The following EPHA2 variants were observed in gnomAD, a reference collection of about 807,000 sequenced individuals.
EPHA2 encodes the protein EPH receptor A2, also known as ephrin type-A receptor 2.
Under a neutral mutation model 104.9 loss-of-function variants are expected in EPHA2, and 54 were observed. The observed-to-expected ratio is 0.51, with a 90% CI of 0.41 to 0.65. EPHA2 has a LOEUF of 0.65. EPHA2 is among the 30% of genes least tolerant of loss of function. The pLI, the probability that EPHA2 is intolerant of heterozygous loss-of-function variation, is 0.00. For synonymous variants in EPHA2, 560 were observed against 559.1 expected, an observed-to-expected ratio of 1.00 and a Z score of -0.02; for missense variants, 1,117 against 1,369.5, an observed-to-expected ratio of 0.82 and a Z score of 2.91.
chr1:16,137,762 C>T (rs2024741872), intron 5 of EPHA2, 91 bp downstream of exon 5: 5 of 1,506,166 alleles, frequency 3.3e-6, no homozygotes, highest in Non-Finnish European at 4.5e-6. Context: ...TGCTGCCTCT[C>T]TCTAAACACA....
At chr1:16,126,483 T>G (rs2024471287) in intron 16 of EPHA2, among the ~76,000 whole-genome samples, 1 of 152,140 alleles carries the variant, frequency 6.6e-6, no homozygotes, top group Admixed American at 6.5e-5. Flanking sequence ...CCAGGTGAGT[T>G]GGGGGGACTC....
rs1254538377 is a variant in EPHA2 at position 16,135,996 on chromosome 1, G to C, written c.1313-226C>G. Among the ~76,000 whole-genome samples, 1 of 152,086 alleles carries C rather than the reference G, an allele frequency of 6.6e-6. No individual in the cohort carries two copies. Among genetic ancestry groups the C allele is most frequent in the Non-Finnish European group, 1.5e-5 (1 of 68,022 alleles). On this transcript the variant is annotated intron_variant, in intron 5 of 16. Coordinates refer to ENST00000358432, the MANE Select transcript of EPHA2 (RefSeq NM_004431.5). This position sits in a 1 kb window ranked among gnomAD's most constrained non-coding sequence, Gnocchi z 4.3. ...AGTGATCCTCCTGCCTCAGCTTCCT[G>C]AATAGCTGGGGCTACAGACACATGC...
rs776351694 is a variant in EPHA2 at position 16,137,914 on chromosome 1, G to A, written c.1251C>T (p.Gly417=). Residue 417 remains glycine, a synonymous_variant, in exon 5 of 17, where the codon GGC becomes GGT. Coordinates refer to ENST00000358432, the MANE Select transcript of EPHA2 (RefSeq NM_004431.5). ...TGCGGCTGGTTACCAGGCCTGAGAC[G>A]CCATTGCGGGCCTCCACGGTGAAGG... ...NYTFTVEARN[G]VSGLVTSRSF... 15 of 1,614,014 alleles carry A rather than the reference G, an allele frequency of 9.3e-6. No individual in the cohort carries two copies. The highest frequency in any genetic ancestry group is 5.0e-5 in the Admixed American group (3 of 60,032).
In EPHA2 at chr1:16,131,714, C is replaced by T. The variant is rs2124198811; in HGVS notation, c.2475+7G>A. The T allele has an allele frequency of 3.1e-6, 5 of 1,613,938 alleles. No homozygotes were observed. Among genetic ancestry groups the T allele is most frequent in the Non-Finnish European group, 4.2e-6 (5 of 1,180,020 alleles). The stretch of plus-strand genomic sequence containing the variant: ...CGGACAGGCCTGGGGAGGGCAAGGG[C>T]ACCCACCTCGTGGTTGGACAACTCC... On this transcript the variant is annotated splice_region_variant and intron_variant, in intron 14 of 16. Coordinates refer to ENST00000358432, the MANE Select transcript of EPHA2 (RefSeq NM_004431.5). The surrounding 1 kb of genome is among the most constrained non-coding windows in gnomAD (Gnocchi z 5.2).
chr1:16,142,138 T>C (rs2124240576), intron 3 of EPHA2, among the ~76,000 whole-genome samples: 1 of 152,322 alleles, frequency 6.6e-6, no homozygotes, highest in South Asian at 2.1e-4. Flanking sequence ...ATGCATCCTT[T>C]AATACCCAGC....
At chr1:16,153,628 G>A (rs1227033543) in intron 1 of EPHA2, among the ~76,000 whole-genome samples, 3 of 152,214 alleles carry the variant, frequency 2.0e-5, no homozygotes, top group Admixed American at 6.5e-5. Context: ...TGTCCAGAAG[G>A]CCCTGGTTGG....
At chr1:16,143,082 T>G in intron 3 of EPHA2, among the ~76,000 whole-genome samples, 1 of 128,382 alleles carries the variant, frequency 7.8e-6, no homozygotes, top group Non-Finnish European at 1.6e-5. Flanking sequence ...TATGAGTGGA[T>G]GGATGGATGG....
At position 16,135,457 on chromosome 1, in the gene EPHA2, C is replaced by T. The variant is rs527347640; in HGVS notation, c.1428+198G>A. 123 of 713,906 alleles carry T rather than the reference C, an allele frequency of 1.7e-4. No homozygotes were observed. Among genetic ancestry groups the T allele is most frequent in the Middle Eastern group, 3.4e-4 (1 of 2,908 alleles). The allele number at this position is 713,906 out of a possible 1,614,324, so 44.2% of individuals were successfully genotyped here. A position where few individuals can be genotyped will look rare whatever the true frequency, so the allele number is the denominator to read the frequency against. On this transcript the variant is annotated intron_variant, in intron 6 of 16. Coordinates refer to ENST00000358432, the MANE Select transcript of EPHA2 (RefSeq NM_004431.5). This position sits in a 1 kb window ranked among gnomAD's most constrained non-coding sequence, Gnocchi z 4.3. Reference sequence around the variant, plus strand: ...TCACCCTGACTGCCTCTTCCAAGGACGCCATGTCTTCTCTCGTACAAATCT... The same window carrying T: ...TCACCCTGACTGCCTCTTCCAAGGATGCCATGTCTTCTCTCGTACAAATCT...
intron 3 of EPHA2, among the ~76,000 whole-genome samples, chr1:16,139,508 T>C (rs11260745): frequency 0.14 from 21,113 of 152,110 alleles, 2,534 homozygotes; most frequent in African/African-American, 0.33. Context: ...AACAAACTCC[T>C]GATCTCAGGG....
Position 16,150,947 on chromosome 1 carries a change from A to G in EPHA2, c.102T>C (p.Phe34=), listed in dbSNP as rs765743567. The change falls in exon 2 of 17, where the codon TTT becomes TTC. Residue 34 remains phenylalanine, a synonymous_variant. Coordinates refer to ENST00000358432, the MANE Select transcript of EPHA2 (RefSeq NM_004431.5). The surrounding 1 kb of genome is among the most constrained non-coding windows in gnomAD (Gnocchi z 4.8). ...AQGKEVVLLD[F]AAAGGELGWL... ...AGCCGAGCTCCCCTCCAGCTGCAGC[A>G]AAGTCCAGCAGTACCACTGAAAGGG... is the stretch of plus-strand genomic sequence containing the variant. The G allele has an allele frequency of 1.2e-6, 2 of 1,614,106 alleles. No homozygotes were observed. Among genetic ancestry groups the G allele is most frequent in the East Asian group, 4.5e-5 (2 of 44,882 alleles).
chr1:16,147,318 C>G (rs1015945542), intron 3 of EPHA2, among the ~76,000 whole-genome samples: 1 of 152,144 alleles, frequency 6.6e-6, no homozygotes, highest in African/African-American at 2.4e-5. Flanking sequence ...GACATTCAGA[C>G]AAGAAAGGCA....
At chr1:16,139,552 G>A (rs1023683327) in intron 3 of EPHA2, among the ~76,000 whole-genome samples, 42 of 152,194 alleles carry the variant, frequency 2.8e-4, no homozygotes, top group African/African-American at 1.0e-3. Context: ...GCAAGACAGA[G>A]GGAGGAAACA....
chr1:16,136,730 A>AGAC (rs1189169562), intron 5 of EPHA2, among the ~76,000 whole-genome samples: 1 of 148,474 alleles, frequency 6.7e-6, no homozygotes, highest in Non-Finnish European at 1.5e-5. Flanking sequence ...AAGAAGAAGA[A>AGAC]GAAGAAGAAG....
At position 16,132,528 on chromosome 1, in the gene EPHA2, G is replaced by A. The variant is rs1293815735; in HGVS notation, c.2054-89C>T. On this transcript the variant is annotated intron_variant, in intron 11 of 16. Transcript: ENST00000358432. The stretch of plus-strand genomic sequence containing the variant: ...GATATGGGGGAAGGTGGGCACAGGT[G>A]TAGGAGAGGTGGGCACAGGTGTGGG... 10 of 1,444,058 alleles carry A rather than the reference G, an allele frequency of 6.9e-6. No individual in the cohort carries two copies. The African/African-American group carries it at 1.3e-4, about 18-fold the overall frequency. The allele number at this position is 1,444,058 out of a possible 1,614,324, so 89.5% of individuals were successfully genotyped here.
At chr1:16,129,160 C>T (rs1394572034) in intron 16 of EPHA2, among the ~76,000 whole-genome samples, 1 of 151,070 alleles carries the variant, frequency 6.6e-6, no homozygotes, top group African/African-American at 2.4e-5. Flanking sequence ...GGCACATAGC[C>T]CTCAGTAAAC....
intron 1 of EPHA2, among the ~76,000 whole-genome samples, chr1:16,152,671 C>G (rs2025064757): frequency 6.6e-6 from 1 of 152,190 alleles, no homozygotes; most frequent in Admixed American, 6.5e-5. Context: ...TCCTCACAGT[C>G]CTGCAGCCCC....
Position 16,148,226 on chromosome 1 carries a change from C to A in EPHA2, c.823+152G>T. ...AGTTAGTCCAGCCTTAATAAGGAAA[C>A]TGATGTCTGGGAAGGATCTATAATT... On this transcript the variant is annotated intron_variant, in intron 3 of 16. Transcript: ENST00000358432. This position sits in a 1 kb window ranked among gnomAD's most constrained non-coding sequence, Gnocchi z 4.9. 1 of 1,008,812 alleles carries A rather than the reference C, an allele frequency of 9.9e-7. No individual in the cohort carries two copies. The highest frequency in any genetic ancestry group is 1.5e-6 in the Non-Finnish European group (1 of 666,334). 62.5% of individuals were successfully genotyped at this position (1,008,812 alleles called of 1,614,324 possible).
At chr1:16,152,147 T>C (rs1010639944) in intron 1 of EPHA2, among the ~76,000 whole-genome samples, 2 of 152,190 alleles carry the variant, frequency 1.3e-5, no homozygotes, top group Admixed American at 1.3e-4. Context: ...AAGTCAATGC[T>C]TCCTTTGGGC....
intron 16 of EPHA2, among the ~76,000 whole-genome samples, chr1:16,126,580 G>C (rs1029908096): frequency 1.3e-5 from 2 of 152,204 alleles, no homozygotes; most frequent in Non-Finnish European, 2.9e-5. Context: ...TACGCTACCT[G>C]CACAGGACGT....
Sources: allele counts gnomAD v4.1 joint callset (sites outside exome capture counted in the v4.1 genomes callset), GRCh38; gene constraint gnomAD v4.1.1; non-coding constraint Gnocchi (gnomAD v3.1); transcripts MANE v1.5; gene names NCBI Gene and HGNC (gene_info 2026-07-23, HGNC 2026-07-21).